The following SLC12A1 variants were observed in gnomAD, a reference collection of about 807,000 sequenced individuals.
SLC12A1 encodes the protein solute carrier family 12 member 1, also known as Na-K-2Cl cotransporter.
In SLC12A1, 89 loss-of-function variants were observed where a neutral mutation model predicts 130.4. The ratio of observed to expected loss-of-function variants is 0.68; its 90% confidence interval spans 0.58 to 0.81. The LOEUF is 0.81. Ranked by LOEUF, SLC12A1 falls within the 40% of genes least tolerant of loss-of-function variation. The pLI is 0.00. For missense variants in SLC12A1, 1,310 were observed against 1,336.4 expected, an observed-to-expected ratio of 0.98 and a Z score of 0.31; for synonymous variants, 499 against 460.0, an observed-to-expected ratio of 1.08 and a Z score of -1.09.
intron 2 of SLC12A1, among the ~76,000 whole-genome samples, chr15:48,212,293 T>C (rs1421953328): frequency 2.0e-5 from 3 of 152,252 alleles, no homozygotes; most frequent in Non-Finnish European, 4.4e-5. Context: ...TAACAGTTTC[T>C]TGTAAATCCT....
At chr15:48,266,704 A>G (rs2041835510) in intron 17 of SLC12A1, among the ~76,000 whole-genome samples, 1 of 152,212 alleles carries the variant, frequency 6.6e-6, no homozygotes. Flanking sequence ...TCCTGGGAAA[A>G]TGGATTTGTA....
chr15:48,250,326 C>T (rs748620058), intron 14 of SLC12A1, among the ~76,000 whole-genome samples: 3 of 152,108 alleles, frequency 2.0e-5, no homozygotes, highest in Non-Finnish European at 4.4e-5. Context: ...GAACTTTTAC[C>T]GGATATATAA....
intron 20 of SLC12A1, among the ~76,000 whole-genome samples, chr15:48,281,832 C>G (rs187989854): frequency 6.6e-6 from 1 of 152,138 alleles, no homozygotes; most frequent in African/African-American, 2.4e-5. Flanking sequence ...TATATCCATT[C>G]GTTCATACTC....
Position 48,246,927 on chromosome 15 carries a change from G to A in SLC12A1, c.1471G>A (p.Gly491Arg), listed in dbSNP as rs1486896660. The stretch of plus-strand genomic sequence containing the variant: ...TCTCAAGGTCATGAGCATGGTATCA[G>A]GGTTCGGCCCCCTCATCACTGCGGG... ...NNFQVMSMVS[G>R]FGPLITAGIF... is the part of the protein sequence containing the mutation. Residue 491 changes from glycine to arginine, a missense_variant, in exon 12 of 27, where the codon GGG (glycine) becomes AGG (arginine). By Grantham distance (125) the Gly-to-Arg change is moderately radical. Transcript: ENST00000380993. 1.2e-6 allele frequency: 2 copies of A among 1,613,822 alleles called. No homozygotes were observed. The highest frequency in any genetic ancestry group is 1.7e-6 in the Non-Finnish European group (2 of 1,179,722).
rs575683135 is a variant in SLC12A1, at chr15:48,214,680, T to C, written c.421-5954T>C. Among the ~76,000 whole-genome samples, 179 of 152,332 alleles carry C rather than the reference T, an allele frequency of 1.2e-3. 1 individual carries two copies. Among genetic ancestry groups the C allele is most frequent in the African/African-American group, 4.0e-3 (167 of 41,574 alleles). ...GTATGGAAATATGGTTAGAATCATATGTTTTTCATTCTGAAATGAAGCTTA... is the reference window on the plus strand; with the variant it reads ...GTATGGAAATATGGTTAGAATCATACGTTTTTCATTCTGAAATGAAGCTTA... On this transcript the variant is annotated intron_variant, in intron 2 of 26. Coordinates refer to ENST00000380993, the MANE Select transcript of SLC12A1 (RefSeq NM_000338.3).
chr15:48,264,767 C>A (rs2041814113), intron 17 of SLC12A1, among the ~76,000 whole-genome samples: 1 of 152,144 alleles, frequency 6.6e-6, no homozygotes, highest in African/African-American at 2.4e-5. Context: ...GAATACTGCA[C>A]TTGGTGAATT....
chr15:48,252,127 C>T lies in SLC12A1; in HGVS notation c.1942+357C>T, dbSNP rs8026503. On this transcript the variant is annotated intron_variant, in intron 15 of 26. Transcript: ENST00000380993. Reference sequence around the variant, plus strand: ...CTGAGGCAGGAGAATCACTTGAAACCGGAAGGCGGAGGTTGCAGTGAGCCG... The same window carrying T: ...CTGAGGCAGGAGAATCACTTGAAACTGGAAGGCGGAGGTTGCAGTGAGCCG... Among the ~76,000 whole-genome samples the T allele has an allele frequency of 5.0e-3, 761 of 151,832 alleles. 8 individuals carry two copies. Among genetic ancestry groups the T allele is most frequent in the Middle Eastern group, 0.044 (13 of 294 alleles).
At chr15:48,240,399 A>C (rs1461186189) in intron 9 of SLC12A1, among the ~76,000 whole-genome samples, 1 of 152,114 alleles carries the variant, frequency 6.6e-6, no homozygotes, top group African/African-American at 2.4e-5. Flanking sequence ...CCCTGTGTAC[A>C]GATACTCCTA....
In SLC12A1 at chr15:48,274,571, T is replaced by C; in HGVS notation, c.2403T>C (p.His801=). ...CTGACTGCTTTGCTTCCTCTTTCAGTGATGCATTTGATTTTGAGATTGGCG... is the reference window on the plus strand; with the variant it reads ...CTGACTGCTTTGCTTCCTCTTTCAGCGATGCATTTGATTTTGAGATTGGCG... ...TEIENYVGII[H]DAFDFEIGVV... Residue 801 remains histidine, a splice_region_variant and synonymous_variant, in exon 20 of 27, where the codon CAT becomes CAC. Coordinates refer to ENST00000380993, the MANE Select transcript of SLC12A1 (RefSeq NM_000338.3). 6.2e-7 allele frequency: 1 copy of C among 1,609,816 alleles called. No individual in the cohort carries two copies. Among genetic ancestry groups the C allele is most frequent in the African/African-American group, 1.3e-5 (1 of 74,984 alleles).
intron 16 of SLC12A1, among the ~76,000 whole-genome samples, chr15:48,256,833 C>CCA (rs1555384115): frequency 6.8e-6 from 1 of 147,342 alleles, no homozygotes; most frequent in African/African-American, 2.5e-5. Context: ...CCCCCCCCCC[C>CCA]AAATTTCTTG....
chr15:48,277,961 G>A (rs1289164296), intron 20 of SLC12A1, among the ~76,000 whole-genome samples: 1 of 152,172 alleles, frequency 6.6e-6, no homozygotes, highest in Non-Finnish European at 1.5e-5. Flanking sequence ...TGCATCCTAT[G>A]CAAAATTGTA....
At chr15:48,251,876 A>T in intron 15 of SLC12A1, 106 bp downstream of exon 15, 1 of 926,972 alleles carries the variant, frequency 1.1e-6, no homozygotes, top group Non-Finnish European at 1.6e-6. Context: ...GGCATATGTA[A>T]GGTGGATATT....
Position 48,295,124 on chromosome 15 carries a change from G to C in SLC12A1, c.2960+3260G>C, listed in dbSNP as rs1426646278. Among the ~76,000 whole-genome samples, 3 of 142,356 alleles carry C rather than the reference G, an allele frequency of 2.1e-5. No homozygotes were observed. The South Asian group carries it at 6.7e-4, about 32-fold the overall frequency. 93.4% of individuals were successfully genotyped at this position (142,356 alleles called of 152,430 possible). ...AAAGTCTCACTATGTTGCCCTGACT[G>C]GTCTCAAACCCCTGGGCTTAATTGA... On this transcript the variant is annotated intron_variant, in intron 24 of 26. Coordinates refer to ENST00000380993, the MANE Select transcript of SLC12A1 (RefSeq NM_000338.3).
At chr15:48,227,673 A>C (rs1335660407) in intron 5 of SLC12A1, 1 of 156,472 alleles carries the variant, frequency 6.4e-6, no homozygotes, top group African/African-American at 2.4e-5. Context: ...GTTACTTTCA[A>C]ATAATCTAGG....
At chr15:48,292,342 C>G (rs528084196) in intron 24 of SLC12A1, among the ~76,000 whole-genome samples, 1 of 152,030 alleles carries the variant, frequency 6.6e-6, no homozygotes, top group East Asian at 1.9e-4. Context: ...AAAGGCCCAA[C>G]AGGGAAGGCC....
intron 19 of SLC12A1, among the ~76,000 whole-genome samples, chr15:48,270,010 G>C (rs1399197613): frequency 6.6e-6 from 1 of 152,210 alleles, no homozygotes; most frequent in African/African-American, 2.4e-5. Flanking sequence ...TAAATGTTTA[G>C]AGTTACAACC....
At chr15:48,241,370 A>G (rs1275987490) in intron 9 of SLC12A1, 145 bp from the exon 10 acceptor site, 1 of 685,272 alleles carries the variant, frequency 1.5e-6, no homozygotes, top group Non-Finnish European at 2.6e-6. Flanking sequence ...GCTCAAGCTC[A>G]TCAACTTGCT....
chr15:48,286,052 G>A (rs932248994), intron 21 of SLC12A1, among the ~76,000 whole-genome samples: 1 of 152,180 alleles, frequency 6.6e-6, no homozygotes, highest in Non-Finnish European at 1.5e-5. Context: ...GGGTCTCCAA[G>A]TCAAACAGCA....
At chr15:48,216,765 G>A (rs2041126393) in intron 2 of SLC12A1, among the ~76,000 whole-genome samples, 1 of 152,030 alleles carries the variant, frequency 6.6e-6, no homozygotes, top group Admixed American at 6.5e-5. Flanking sequence ...TCAATTCCCT[G>A]CTCTCATTGA....
Sources: allele counts gnomAD v4.1 joint callset (sites outside exome capture counted in the v4.1 genomes callset), GRCh38; gene constraint gnomAD v4.1.1; transcripts MANE v1.5; gene names NCBI Gene and HGNC (gene_info 2026-07-23, HGNC 2026-07-21).